CACNA1G: variants seen among roughly 807,000 people sequenced by gnomAD.
CACNA1G encodes the protein voltage-dependent T-type calcium channel subunit alpha-1G.
In CACNA1G, 67 loss-of-function variants were observed where a neutral mutation model predicts 219.4. The ratio of observed to expected loss-of-function variants is 0.31; its 90% CI spans 0.25 to 0.37. The LOEUF (loss-of-function observed/expected upper bound fraction) is 0.37, where lower values mean the gene tolerates loss of function less well. Among genes scored for constraint, CACNA1G ranks in the 10% least tolerant of loss-of-function variants. The pLI, the probability that CACNA1G is intolerant of heterozygous loss-of-function variation, is 1.00. For synonymous variants in CACNA1G, 1,296 were observed against 1,345.3 expected (o/e 0.96, Z 0.80); for missense variants, 2,380 against 3,231.4 (o/e 0.74, Z 6.39).
Position 50,624,464 on chromosome 17 carries a change from G to T in CACNA1G, c.6334G>T (p.Gly2112Cys), listed in dbSNP as rs1338604133. The stretch of plus-strand genomic sequence containing the variant: ...CCAGCCCCACAGCGCCCCAACCTGG[G>T]GCACCATCCCCAAACTGCCCCCACC... The part of the protein sequence containing the change: ...LLQPHSAPTW[G>C]TIPKLPPPGR... Residue 2112 changes from glycine (G) to cysteine (C), a missense_variant, in exon 37 of 38, where the codon GGC (glycine) becomes TGC (cysteine). Gly to Cys is a radical substitution (Grantham distance 159). Coordinates refer to ENST00000359106, the MANE Select transcript of CACNA1G (RefSeq NM_018896.5). The T allele has an allele frequency of 1.2e-6, 2 of 1,601,280 alleles. No individual in the cohort carries two copies. Among genetic ancestry groups the T allele is most frequent in the Non-Finnish European group, 1.7e-6 (2 of 1,174,674 alleles).
rs573855707 is a variant in CACNA1G, at chr17:50,571,391, C to T, written c.587-487C>T. 1.1e-4 allele frequency among the ~76,000 whole-genome samples: 16 copies of T among 152,080 alleles called. No individual in the cohort carries two copies. The highest frequency in any genetic ancestry group is 1.4e-4 in the African/African-American group (6 of 41,384). On this transcript the variant is annotated intron_variant, in intron 4 of 37. Transcript: ENST00000359106. This position sits in a 1 kb window ranked among gnomAD's most constrained non-coding sequence, Gnocchi z 4.3. ...ACTTAGAAAGGTCAAGTGACTGTGC[C>T]TGTTGAGAGAAGGAAGTAGGTAGGG...
intron 9 of CACNA1G, among the ~76,000 whole-genome samples, chr17:50,580,231 G>A (rs2064968206): frequency 6.6e-6 from 1 of 152,194 alleles, no homozygotes; most frequent in Non-Finnish European, 1.5e-5. Context: ...CAGCCTCCCA[G>A]GGAGAGGTGC....
rs3063068 is a variant in CACNA1G at position 50,608,525 on chromosome 17, G to GATATAT, written c.4705+525_4705+530dup. Among the ~76,000 whole-genome samples, 761 of 141,738 alleles carry GATATAT rather than the reference G, an allele frequency of 5.4e-3. 6 individuals carry two copies. Among genetic ancestry groups the GATATAT allele is most frequent in the African/African-American group, 0.018 (711 of 38,480 alleles). The allele number at this position is 141,738 out of a possible 152,430, so 93.0% of individuals were successfully genotyped here. A position where few individuals can be genotyped will look rare whatever the true frequency, so the allele number is the denominator to read the frequency against. On this transcript the variant is annotated intron_variant, in intron 25 of 37. Transcript: ENST00000359106. The stretch of plus-strand genomic sequence containing the variant: ...TATCTCTAACAAAACTTTCTACCAT[G>GATATAT]ATATATATATATATATATATATATT...
Position 50,591,422 on chromosome 17 carries a change from G to T in CACNA1G, c.2454-13G>T, listed in dbSNP as rs1186056285. On this transcript the variant is annotated splice_polypyrimidine_tract_variant and intron_variant, in intron 10 of 37. Transcript: ENST00000359106. ...AAGGTGCAGGGGGCTCAGGCTGCCT[G>T]CCCCCTTTGCAGCGTGTGGGAGATC... The T allele has an allele frequency of 1.3e-6, 2 of 1,536,466 alleles. No individual in the cohort carries two copies. Among genetic ancestry groups the T allele is most frequent in the Admixed American group, 1.9e-5 (1 of 52,454 alleles).
In CACNA1G at chr17:50,572,634, A is replaced by G; in HGVS notation, c.827A>G (p.Glu276Gly). Residue 276 changes from glutamate (E) to glycine (G), a missense_variant, in exon 6 of 38, where the codon GAG becomes GGG. Physicochemically the swap from Glu to Gly is moderately conservative, Grantham distance 98. Transcript: ENST00000359106. Reference protein sequence around the residue: ...ESPFICSQPRENGMRSCRSVP... With the variant: ...ESPFICSQPRGNGMRSCRSVP... ...CCCTTCATCTGCTCCCAGCCACGCG[A>G]GAACGGCATGCGGTCCTGCAGAAGC... is the stretch of plus-strand genomic sequence containing the variant. 1 of 1,600,566 alleles carries G rather than the reference A, an allele frequency of 6.2e-7. No individual in the cohort carries two copies. The highest frequency in any genetic ancestry group is 8.5e-7 in the Non-Finnish European group (1 of 1,173,932).
chr17:50,620,497 T>A (rs1418038625), intron 34 of CACNA1G, among the ~76,000 whole-genome samples: 1 of 152,156 alleles, frequency 6.6e-6, no homozygotes, highest in Non-Finnish European at 1.5e-5. Flanking sequence ...TAATTCCAGG[T>A]CTTCTGCTTT....
In CACNA1G at chr17:50,600,929, TG is replaced by T; in HGVS notation, c.3791+107del. The T allele has an allele frequency of 6.4e-7, 1 of 1,554,446 alleles. No homozygotes were observed. ...GGGATTTGAGAAGTGGCACCCTGCC[TG>T]GGGTGTGAGCAGGGTGGCCTCAGCT... On this transcript the variant is annotated intron_variant, in intron 18 of 37. Coordinates refer to ENST00000359106, the MANE Select transcript of CACNA1G (RefSeq NM_018896.5). The surrounding 1 kb of genome is among the most constrained non-coding windows in gnomAD (Gnocchi z 4.1).
chr17:50,626,600 G>GT lies in CACNA1G; in HGVS notation c.6984dup (p.Ile2329TyrfsTer22), dbSNP rs751392109. The GT allele has an allele frequency of 1.2e-6, 2 of 1,612,528 alleles. No individual in the cohort carries two copies. The highest frequency in any genetic ancestry group is 1.7e-6 in the Non-Finnish European group (2 of 1,179,580). ...GGTCCTCGGACCCCGCCCAGCCCTG[G>GT]TATCTGCCTCCGGAGGAGGGCTCCG... On this transcript the variant is annotated frameshift_variant, in exon 38 of 38. Coordinates refer to ENST00000359106, the MANE Select transcript of CACNA1G (RefSeq NM_018896.5). LOFTEE classifies it high-confidence loss of function. The surrounding 1 kb of genome is among the most constrained non-coding windows in gnomAD (Gnocchi z 4.3).
Position 50,617,671 on chromosome 17 carries a change from G to A in CACNA1G, c.5155+100G>A, listed in dbSNP as rs933042621. The A allele has an allele frequency of 4.1e-6, 6 of 1,479,042 alleles. No homozygotes were observed. The East Asian group carries it at 1.4e-4, about 35-fold the overall frequency. The allele number at this position is 1,479,042 out of a possible 1,614,324, so 91.6% of individuals were successfully genotyped here. A position where few individuals can be genotyped will look rare whatever the true frequency, so the allele number is the denominator to read the frequency against. ...GCTGGTCAAGGCCTGGGCGGCTGTGGGTTCCCATGGGTCTTTCTCCCAGCT... is the reference window on the plus strand; with the variant it reads ...GCTGGTCAAGGCCTGGGCGGCTGTGAGTTCCCATGGGTCTTTCTCCCAGCT... On this transcript the variant is annotated intron_variant, in intron 29 of 37. Transcript: ENST00000359106. The surrounding 1 kb of genome is among the most constrained non-coding windows in gnomAD (Gnocchi z 5.8).
In CACNA1G at chr17:50,618,536, C is replaced by CCCT. The variant is rs2051053964; in HGVS notation, c.5428-110_5428-108dup. 3.0e-6 allele frequency: 3 copies of CCCT among 1,012,496 alleles called. No homozygotes were observed. The highest frequency in any genetic ancestry group is 4.4e-6 in the Non-Finnish European group (3 of 676,062). The allele number at this position is 1,012,496 out of a possible 1,614,324, so 62.7% of individuals were successfully genotyped here. ...TAGTGCTCCTCTGCCCCCAAACACT[C>CCCT]CCTCCTCCTCCCCTTCCTTCCCATC... On this transcript the variant is annotated intron_variant, in intron 32 of 37. Transcript: ENST00000359106. The surrounding 1 kb of genome is among the most constrained non-coding windows in gnomAD (Gnocchi z 5.3).
At chr17:50,564,125 A>AGTGTGTGTGTGTGTGTGTGTGTGTGTGT (rs67152102) in intron 1 of CACNA1G, among the ~76,000 whole-genome samples, 1 of 138,610 alleles carries the variant, frequency 7.2e-6, no homozygotes, top group African/African-American at 2.9e-5. Flanking sequence ...CCAGGTAGGA[A>AGTGTGTGTGTGTGTGTGTGTGTGTGTGT]GTGTGTGTGT....
rs767491096 is a variant in CACNA1G, at chr17:50,603,159, C to T, written c.4129C>T (p.Leu1377=). ...SDSGTKILGM[L]RVLRLLRTLR... is the part of the protein sequence containing the mutation. ...CAGCGGCACCAAGATCCTGGGCATG[C>T]TGAGGGTGCTGCGGCTGCTGCGGAC... The change falls in exon 21 of 38, where the codon CTG becomes TTG. Residue 1377 remains leucine (L), a synonymous_variant. Transcript: ENST00000359106. The surrounding 1 kb of genome is among the most constrained non-coding windows in gnomAD (Gnocchi z 6.4). 1 of 1,610,528 alleles carries T rather than the reference C, an allele frequency of 6.2e-7. No individual in the cohort carries two copies. Among genetic ancestry groups the T allele is most frequent in the East Asian group, 2.2e-5 (1 of 44,890 alleles).
In CACNA1G at chr17:50,578,272, G is replaced by A; in HGVS notation, c.2009G>A (p.Cys670Tyr). 1.2e-6 allele frequency: 2 copies of A among 1,612,970 alleles called. No homozygotes were observed. The highest frequency in any genetic ancestry group is 1.7e-6 in the Non-Finnish European group (2 of 1,179,764). Residue 670 changes from cysteine to tyrosine, a missense_variant, in exon 9 of 38, where the codon TGT (cysteine) becomes TAT (tyrosine). Physicochemically the swap from Cys to Tyr is radical, Grantham distance 194 (BLOSUM62 -2). Transcript: ENST00000359106. This position sits in a 1 kb window ranked among gnomAD's most constrained non-coding sequence, Gnocchi z 4.5. Reference protein sequence around the residue: ...GACGPDSCPYCARAGAGEVEL... With the variant: ...GACGPDSCPYYARAGAGEVEL... ...TGTGGTCCAGACAGCTGCCCCTACTGTGCCCGGGCCGGGGCAGGGGAGGTG... is the reference window on the plus strand; with the variant it reads ...TGTGGTCCAGACAGCTGCCCCTACTATGCCCGGGCCGGGGCAGGGGAGGTG...
chr17:50,603,509 TCA>T lies in CACNA1G; in HGVS notation c.4169+313_4169+314del, dbSNP rs577506254. Among the ~76,000 whole-genome samples, 8 of 152,146 alleles carry T rather than the reference TCA, an allele frequency of 5.3e-5. No individual in the cohort carries two copies. Among genetic ancestry groups the T allele is most frequent in the Non-Finnish European group, 1.2e-4 (8 of 68,022 alleles). On this transcript the variant is annotated intron_variant, in intron 21 of 37. Coordinates refer to ENST00000359106, the MANE Select transcript of CACNA1G (RefSeq NM_018896.5). The surrounding 1 kb of genome is among the most constrained non-coding windows in gnomAD (Gnocchi z 6.4). ...GCACAAGGGGCCACGAGCAGGACTC[TCA>T]CAGTCTTCAGCTGCGGCTCTCCCTT...
In CACNA1G at chr17:50,571,008, TG is replaced by T. The variant is rs1457336669; in HGVS notation, c.587-868del. Among the ~76,000 whole-genome samples, 1 of 151,960 alleles carries T rather than the reference TG, an allele frequency of 6.6e-6. No individual in the cohort carries two copies. The highest frequency in any genetic ancestry group is 1.5e-5 in the Non-Finnish European group (1 of 67,984). On this transcript the variant is annotated intron_variant, in intron 4 of 37. Transcript: ENST00000359106. The surrounding 1 kb of genome is among the most constrained non-coding windows in gnomAD (Gnocchi z 4.3). The stretch of plus-strand genomic sequence containing the variant: ...GAGATCTGTCTGCTTGACGAGGGCT[TG>T]GCGGACTGGGGGCTGGTTCAGACCA...
At chr17:50,562,016 G>A (rs2035888227) in intron 1 of CACNA1G, 2 of 300,716 alleles carry the variant, frequency 6.7e-6, no homozygotes. Context: ...CCCTCCAGAT[G>A]TGGTCAGGGG....
chr17:50,620,972 C>G (rs1306570306), intron 34 of CACNA1G, among the ~76,000 whole-genome samples: 1 of 152,208 alleles, frequency 6.6e-6, no homozygotes, highest in African/African-American at 2.4e-5. Context: ...CCCTGGGTCC[C>G]AGGTGAGCCA....
At chr17:50,581,382 G>A (rs1032737471) in intron 9 of CACNA1G, among the ~76,000 whole-genome samples, 1 of 151,972 alleles carries the variant, frequency 6.6e-6, no homozygotes, top group Non-Finnish European at 1.5e-5. Flanking sequence ...CATTGATCCC[G>A]GAATCGATTG....
chr17:50,585,716 G>A (rs2042871602), intron 9 of CACNA1G, among the ~76,000 whole-genome samples: 1 of 152,136 alleles, frequency 6.6e-6, no homozygotes, highest in Admixed American at 6.5e-5. Context: ...TACATGATGA[G>A]GCCTGTGAGA....
Sources: gnomAD v4.1 joint callset for allele counts (sites outside exome capture counted in the v4.1 genomes callset) on GRCh38, gnomAD v4.1.1 for gene constraint, Gnocchi (gnomAD v3.1) non-coding constraint, MANE v1.5 for transcripts, NCBI Gene and HGNC (gene_info 2026-07-23, HGNC 2026-07-21) for gene names.